GALNT17: variants seen among roughly 807,000 people sequenced by gnomAD.
The protein encoded by GALNT17 is UDP-GalNAc:polypeptide N-acetylgalactosaminyltransferase-like 3.
A neutral mutation model predicts 63.7 loss-of-function variants in GALNT17; 29 were observed. The observed-to-expected ratio is 0.46, with a 90% CI of 0.34 to 0.62. The LOEUF is 0.62. GALNT17 is among the 20% of genes least tolerant of loss of function. The probability of loss-of-function intolerance (pLI) is 0.01; values close to 1 mark genes in which losing one functional copy is unlikely to be tolerated. For synonymous variants in GALNT17, 305 were observed against 318.3 expected (o/e 0.96, Z 0.45); for missense variants, 603 against 799.6 (o/e 0.75, Z 2.97).
chr7:71,412,082 C>T (rs2116423174), intron 3 of GALNT17, among the ~76,000 whole-genome samples: 1 of 152,284 alleles, frequency 6.6e-6, no homozygotes, highest in East Asian at 1.9e-4. Context: ...CCCGTCTGTA[C>T]CGCCTTGAGT....
At chr7:71,404,991 G>A (rs1394017850) in intron 3 of GALNT17, among the ~76,000 whole-genome samples, 1 of 152,230 alleles carries the variant, frequency 6.6e-6, no homozygotes, top group African/African-American at 2.4e-5. Flanking sequence ...GCTGATGGCT[G>A]CAGATTCAGA....
At chr7:71,181,815 T>C (rs1788740046) in intron 1 of GALNT17, among the ~76,000 whole-genome samples, 2 of 151,632 alleles carry the variant, frequency 1.3e-5, no homozygotes, top group African/African-American at 4.9e-5. Context: ...AGTTGAAGGC[T>C]ACAGTGATCT....
chr7:71,133,092 A>C, intron 1 of GALNT17, 52 bp downstream of exon 1: 1 of 1,434,626 alleles, frequency 7.0e-7, no homozygotes, highest in Non-Finnish European at 9.2e-7. Context: ...GGCCGGGCAC[A>C]GGGTGAGCCC....
chr7:71,443,909 T>C (rs61271681), intron 5 of GALNT17, among the ~76,000 whole-genome samples: 1,987 of 152,290 alleles, frequency 0.013, 37 homozygotes, highest in African/African-American at 0.045. Context: ...GTATTTTCAG[T>C]AGAGACGGGG....
At chr7:71,531,189 C>T (rs939441983) in intron 5 of GALNT17, among the ~76,000 whole-genome samples, 9 of 152,024 alleles carry the variant, frequency 5.9e-5, no homozygotes, top group African/African-American at 1.2e-4. Context: ...ACAAAACTAA[C>T]ACCACAATCA....
At chr7:71,701,810 TATATACACATATATATAC>T (rs1371971259) in intron 9 of GALNT17, among the ~76,000 whole-genome samples, 6 of 11,460 alleles carry the variant, frequency 5.2e-4, no homozygotes, top group Non-Finnish European at 2.4e-3. Context: ...TGTGTATATA[TATATACACATATATATAC>T]ACATATATAT....
At chr7:71,701,833 ATATATATGTG>A (rs1562742419) in intron 9 of GALNT17, among the ~76,000 whole-genome samples, 2 of 25,828 alleles carry the variant, frequency 7.7e-5, no homozygotes, top group East Asian at 7.4e-3. Flanking sequence ...ATATACACAT[ATATATATGTG>A]TATATATATA....
intron 1 of GALNT17, among the ~76,000 whole-genome samples, chr7:71,311,503 G>A (rs1791413439): frequency 6.6e-6 from 1 of 152,156 alleles, no homozygotes; most frequent in South Asian, 2.1e-4. Context: ...GGGCATTGTG[G>A]TGCCCAAATT....
chr7:71,488,724 C>T (rs1202022057), intron 5 of GALNT17, among the ~76,000 whole-genome samples: 19 of 151,226 alleles, frequency 1.3e-4, no homozygotes, highest in Admixed American at 9.3e-4. Context: ...GGACTACAGG[C>T]GAGCACCACC....
chr7:71,308,455 G>T (rs984640284), intron 1 of GALNT17, among the ~76,000 whole-genome samples: 1 of 152,114 alleles, frequency 6.6e-6, no homozygotes, highest in African/African-American at 2.4e-5. Flanking sequence ...AGTAGGGAGG[G>T]AATGAATAGG....
At chr7:71,648,366 G>A in intron 6 of GALNT17, among the ~76,000 whole-genome samples, 1 of 151,676 alleles carries the variant, frequency 6.6e-6, no homozygotes, top group East Asian at 1.9e-4. Flanking sequence ...GAACTCCTGG[G>A]ATCAAACAAT....
chr7:71,192,594 C>T (rs901356612), intron 1 of GALNT17, among the ~76,000 whole-genome samples: 2 of 152,076 alleles, frequency 1.3e-5, no homozygotes, highest in African/African-American at 2.4e-5. Flanking sequence ...TGGGGTTTTG[C>T]CATGTTGGCC....
At chr7:71,212,591 C>T (rs1172231296) in intron 1 of GALNT17, among the ~76,000 whole-genome samples, 1 of 152,138 alleles carries the variant, frequency 6.6e-6, no homozygotes, top group African/African-American at 2.4e-5. Flanking sequence ...GCCACAGACA[C>T]TCAACGCTAG....
intron 5 of GALNT17, among the ~76,000 whole-genome samples, chr7:71,542,718 G>A (rs917126427): frequency 7.0e-6 from 1 of 142,080 alleles, no homozygotes; most frequent in African/African-American, 2.6e-5. Flanking sequence ...AAAAGATAAC[G>A]ATAATCTGGA....
intron 5 of GALNT17, among the ~76,000 whole-genome samples, chr7:71,423,779 C>T (rs183320897): frequency 2.2e-3 from 329 of 151,826 alleles, no homozygotes; most frequent in Admixed American, 5.5e-3. Flanking sequence ...AAAAATTAGC[C>T]GGGGTGGTGG....
chr7:71,266,993 G>T (rs2115668885), intron 1 of GALNT17, among the ~76,000 whole-genome samples: 1 of 152,354 alleles, frequency 6.6e-6, no homozygotes, highest in South Asian at 2.1e-4. Flanking sequence ...AGTGTGCAGA[G>T]CCTCCAGTCT....
chr7:71,593,721 C>T (rs1562703757), intron 6 of GALNT17, among the ~76,000 whole-genome samples: 1 of 152,148 alleles, frequency 6.6e-6, no homozygotes, highest in African/African-American at 2.4e-5. Flanking sequence ...GAATTCCCTT[C>T]CCTTTTGAAA....
intron 5 of GALNT17, among the ~76,000 whole-genome samples, chr7:71,554,100 T>C (rs2116838272): frequency 6.6e-6 from 1 of 152,380 alleles, no homozygotes; most frequent in South Asian, 2.1e-4. Flanking sequence ...GGTACCCTCC[T>C]GTCCCCTGAC....
At chr7:71,592,297 C>T (rs1185659110) in intron 6 of GALNT17, among the ~76,000 whole-genome samples, 1 of 152,008 alleles carries the variant, frequency 6.6e-6, no homozygotes, top group Admixed American at 6.6e-5. Context: ...TTTCTGGCGC[C>T]CACACTGTCT....
Sources: gnomAD v4.1 joint callset for allele counts (sites outside exome capture counted in the v4.1 genomes callset) on GRCh38, gnomAD v4.1.1 for gene constraint, MANE v1.5 for transcripts, NCBI Gene and HGNC (gene_info 2026-07-23, HGNC 2026-07-21) for gene names.